Variants in CCDC7 observed in about 807,000 individuals in gnomAD.
The protein encoded by CCDC7 is coiled-coil domain containing 7, also known as coiled-coil domain-containing protein 7.
A neutral mutation model predicts 196.9 loss-of-function variants in CCDC7; 183 were observed. That is an observed-to-expected ratio of 0.93 (90% CI 0.82 to 1.05). The LOEUF is 1.05. Ranked by LOEUF, CCDC7 falls within the 50% of genes least tolerant of loss-of-function variation. The pLI is 0.00. For synonymous variants in CCDC7, 525 were observed against 484.6 expected (o/e 1.08, Z -1.10); for missense variants, 1,540 against 1,482.2 (o/e 1.04, Z -0.64).
intron 31 of CCDC7, among the ~76,000 whole-genome samples, chr10:32,820,502 T>C (rs1480475324): frequency 1.1e-4 from 16 of 152,200 alleles, no homozygotes; most frequent in East Asian, 1.9e-4. Flanking sequence ...GAGCCCACAT[T>C]GCCAAGTCAA....
rs1484520964 is a variant in CCDC7, at chr10:32,845,445, T to C, written c.3437-98T>C. 2.4e-6 allele frequency: 3 copies of C among 1,245,170 alleles called. No homozygotes were observed. In the East Asian group the frequency reaches 7.1e-5, roughly 29 times the overall value. The allele number at this position is 1,245,170 out of a possible 1,614,324, so 77.1% of individuals were successfully genotyped here. A position where few individuals can be genotyped will look rare whatever the true frequency, so the allele number is the denominator to read the frequency against. ...TATTATAGTGTTACATAAGTAAAAT[T>C]ATTCATGAATATCCTCCTATAATTA... On this transcript the variant is annotated intron_variant, in intron 34 of 41. Transcript: ENST00000639629.
In CCDC7 at chr10:32,738,052, C is replaced by T. The variant is rs762739112; in HGVS notation, c.2905+8595C>T. The stretch of plus-strand genomic sequence containing the variant: ...TTGACATATTTGCTTCAATATCAAC[C>T]GTATTTGTAGCTATTTTCTCTTTAT... On this transcript the variant is annotated intron_variant, in intron 28 of 41. Transcript: ENST00000639629. Among the ~76,000 whole-genome samples the T allele has an allele frequency of 2.0e-5, 3 of 152,002 alleles. 1 individual carries two copies. The highest frequency in any genetic ancestry group is 4.1e-4 in the South Asian group (2 of 4,826).
At chr10:32,634,313 G>T (rs2139582116) in exon 19 of CCDC7, 1 of 1,218,206 alleles carries the variant, frequency 8.2e-7, no homozygotes, top group Non-Finnish European at 1.0e-6. Flanking sequence ...AGTAACAAAA[G>T]TCCAAATAGA....
At chr10:32,556,254 C>T (rs753482889) in intron 13 of CCDC7, among the ~76,000 whole-genome samples, 2 of 151,930 alleles carry the variant, frequency 1.3e-5, no homozygotes, top group East Asian at 1.9e-4. Context: ...CATCTTTATT[C>T]GTTAGAATAT....
At chr10:32,538,008 G>C (rs1017509171) in intron 11 of CCDC7, among the ~76,000 whole-genome samples, 8 of 152,144 alleles carry the variant, frequency 5.3e-5, no homozygotes, top group African/African-American at 1.9e-4. Context: ...TTTTAGAATA[G>C]TTTTTTCTAT....
At chr10:32,723,990 G>T (rs185301990) in intron 25 of CCDC7, among the ~76,000 whole-genome samples, 1 of 152,062 alleles carries the variant, frequency 6.6e-6, no homozygotes, top group East Asian at 1.9e-4. Flanking sequence ...GGTAGGGATT[G>T]CTTCCCCAGC....
intron 15 of CCDC7, 21 bp downstream of exon 16, chr10:32,567,912 G>A (rs1293085556): frequency 6.2e-7 from 1 of 1,602,610 alleles, no homozygotes; most frequent in South Asian, 1.1e-5. Context: ...AACCAAAATG[G>A]AGACAGTAGT....
At chr10:32,575,276 GTATGT>G (rs1564706409) in intron 16 of CCDC7, among the ~76,000 whole-genome samples, 1 of 152,112 alleles carries the variant, frequency 6.6e-6, no homozygotes, top group East Asian at 1.9e-4. Flanking sequence ...AAATGAAAAT[GTATGT>G]TATAACTAAA....
Position 32,639,027 on chromosome 10 carries a change from T to C in CCDC7, c.2014+3869T>C, listed in dbSNP as rs549730622. ...TCTAGTTTATTTGCATAGAGATGTG[T>C]ATAGTATTCTCTGATGGTAGTTTGT... On this transcript the variant is annotated intron_variant, in intron 20 of 41. Transcript: ENST00000639629. 5.3e-5 allele frequency among the ~76,000 whole-genome samples: 8 copies of C among 150,580 alleles called. No individual in the cohort carries two copies. The South Asian group carries it at 1.7e-3, about 31-fold the overall frequency.
At chr10:32,746,605 GC>G (rs2074783699) in intron 28 of CCDC7, among the ~76,000 whole-genome samples, 1 of 152,156 alleles carries the variant, frequency 6.6e-6, no homozygotes, top group Non-Finnish European at 1.5e-5. Flanking sequence ...CTGTCTGCCA[GC>G]CTCTCCTGGG....
At chr10:32,636,169 T>C (rs1328939750) in intron 20 of CCDC7, among the ~76,000 whole-genome samples, 2 of 152,234 alleles carry the variant, frequency 1.3e-5, no homozygotes, top group Non-Finnish European at 2.9e-5. Context: ...GTCATTAGCA[T>C]ATATTGCAAG....
rs796119176 is a variant in CCDC7 at position 32,759,930 on chromosome 10, C to T, written c.2906-19047C>T. On this transcript the variant is annotated intron_variant, in intron 28 of 41. Coordinates refer to ENST00000639629, the Ensembl canonical transcript of CCDC7. ...ACAAACAACCCCATCAAAAAGTGGGCGAAGGATATGAACAGACACTTCTCA... is the reference window on the plus strand; with the variant it reads ...ACAAACAACCCCATCAAAAAGTGGGTGAAGGATATGAACAGACACTTCTCA... Among the ~76,000 whole-genome samples the T allele has an allele frequency of 7.0e-4, 106 of 151,910 alleles. No homozygotes were observed. In the South Asian group the frequency reaches 0.015, roughly 21 times the overall value.
At chr10:32,703,676 T>C (rs892467349) in intron 24 of CCDC7, among the ~76,000 whole-genome samples, 2 of 152,258 alleles carry the variant, frequency 1.3e-5, no homozygotes, top group African/African-American at 2.4e-5. Flanking sequence ...TTTGGTCTTT[T>C]TACATAGACC....
intron 18 of CCDC7, among the ~76,000 whole-genome samples, chr10:32,586,026 T>A (rs1218873927): frequency 6.6e-6 from 1 of 152,212 alleles, no homozygotes; most frequent in Non-Finnish European, 1.5e-5. Flanking sequence ...CCACATCCTT[T>A]CCAGCATCTG....
chr10:32,599,705 A>C (rs958905715), intron 18 of CCDC7, among the ~76,000 whole-genome samples: 1 of 151,298 alleles, frequency 6.6e-6, no homozygotes, highest in Non-Finnish European at 1.5e-5. Flanking sequence ...TTTTGGTTAC[A>C]TGGATGAATT....
chr10:32,536,952 A>G (rs1250574210), intron 11 of CCDC7, among the ~76,000 whole-genome samples: 2 of 152,216 alleles, frequency 1.3e-5, no homozygotes, highest in Admixed American at 6.5e-5. Context: ...TAGTGCTGCA[A>G]TAAACATATA....
At chr10:32,483,268 C>T (rs1442261240) in intron 8 of CCDC7, among the ~76,000 whole-genome samples, 1 of 152,174 alleles carries the variant, frequency 6.6e-6, no homozygotes, top group Non-Finnish European at 1.5e-5. Flanking sequence ...AGCATTTTTT[C>T]ATGTGTCTTT....
At chr10:32,728,967 C>G in exon 27 of CCDC7, 1 of 1,602,182 alleles carries the variant, frequency 6.2e-7, no homozygotes, top group South Asian at 1.1e-5. Context: ...AGAAAAGAAA[C>G]AAATAAATTC....
At chr10:32,830,480 AC>A (rs1303785241) in intron 32 of CCDC7, among the ~76,000 whole-genome samples, 2 of 152,194 alleles carry the variant, frequency 1.3e-5, no homozygotes, top group Non-Finnish European at 2.9e-5. Context: ...GCAGGGAGCA[AC>A]TACAAAATAA....
Sources: allele counts gnomAD v4.1 joint callset (sites outside exome capture counted in the v4.1 genomes callset), GRCh38; gene constraint gnomAD v4.1.1; transcripts MANE v1.5; gene names NCBI Gene and HGNC (gene_info 2026-07-23, HGNC 2026-07-21).